Variants in TUBA4B observed in about 807,000 individuals in gnomAD.
TUBA4B encodes the protein tubulin-like protein alpha-4B.
Under a neutral mutation model 18.4 loss-of-function variants are expected in TUBA4B, and 13 were observed. That is an observed-to-expected ratio of 0.71 (90% CI 0.46 to 1.12). The LOEUF (loss-of-function observed/expected upper bound fraction) is 1.12, where lower values mean the gene tolerates loss of function less well. Among genes scored for constraint, TUBA4B ranks in the 50% most tolerant of loss-of-function variants. The probability of loss-of-function intolerance (pLI) is 0.00; values close to 1 mark genes in which losing one functional copy is unlikely to be tolerated. For synonymous variants in TUBA4B, 101 were observed against 99.1 expected (o/e 1.02, Z -0.11); for missense variants, 244 against 250.0 (o/e 0.98, Z 0.16).
intron 1 of TUBA4B, among the ~76,000 whole-genome samples, chr2:219,258,972 C>T (rs540075210): frequency 2.6e-5 from 4 of 152,054 alleles, no homozygotes; most frequent in Non-Finnish European, 5.9e-5. Context: ...ATGGAGAAGA[C>T]ATGGGTGCAG....
chr2:219,262,990 G>A (rs1333225929), intron 1 of TUBA4B, among the ~76,000 whole-genome samples: 2 of 151,470 alleles, frequency 1.3e-5, no homozygotes, highest in Admixed American at 6.6e-5. Context: ...GCAGTGAGCC[G>A]AGATAGCACC....
At chr2:219,257,639 C>T (rs758410990) in intron 1 of TUBA4B, among the ~76,000 whole-genome samples, 23 of 47,620 alleles carry the variant, frequency 4.8e-4, no homozygotes, top group Admixed American at 4.3e-3. Context: ...GAGACACTGT[C>T]TCAAAAAAAA....
intron 1 of TUBA4B, among the ~76,000 whole-genome samples, chr2:219,261,378 A>G (rs1003253994): frequency 2.6e-5 from 4 of 152,128 alleles, no homozygotes; most frequent in Non-Finnish European, 4.4e-5. Context: ...GCCCTAGCAG[A>G]CTTCCCCCTT....
At chr2:219,262,214 A>G (rs552156738) in intron 1 of TUBA4B, among the ~76,000 whole-genome samples, 2 of 152,256 alleles carry the variant, frequency 1.3e-5, no homozygotes, top group East Asian at 1.9e-4. Context: ...GGGAGGCTGA[A>G]GCAGGAGAAT....
chr2:219,265,630 CCTT>C (rs1404842920), intron 1 of TUBA4B, among the ~76,000 whole-genome samples: 4 of 152,028 alleles, frequency 2.6e-5, no homozygotes, highest in African/African-American at 9.7e-5. Context: ...GAGCAAGACT[CCTT>C]CTCAAAAGAA....
At chr2:219,262,183 C>CAT (rs1951763620) in intron 1 of TUBA4B, among the ~76,000 whole-genome samples, 1 of 152,066 alleles carries the variant, frequency 6.6e-6, no homozygotes, top group Non-Finnish European at 1.5e-5. Flanking sequence ...TGGTGGTGGG[C>CAT]GCCTGTAGTC....
intron 1 of TUBA4B, among the ~76,000 whole-genome samples, chr2:219,261,866 T>G (rs538933471): frequency 2.8e-4 from 42 of 152,368 alleles, no homozygotes; most frequent in African/African-American, 8.9e-4. Flanking sequence ...TGATCTCATC[T>G]TGTAGAGCTC....
intron 1 of TUBA4B, among the ~76,000 whole-genome samples, chr2:219,265,339 C>G (rs1273880874): frequency 6.6e-6 from 1 of 152,128 alleles, no homozygotes; most frequent in African/African-American, 2.4e-5. Context: ...AGAGAAGGTG[C>G]CTTAAGCATA....
intron 1 of TUBA4B, among the ~76,000 whole-genome samples, chr2:219,265,648 A>C (rs1417224500): frequency 1.3e-5 from 2 of 152,214 alleles, no homozygotes; most frequent in Non-Finnish European, 2.9e-5. Flanking sequence ...AAAGAAAAAA[A>C]AAAAGATGCA....
intron 1 of TUBA4B, among the ~76,000 whole-genome samples, chr2:219,264,927 G>C (rs1951781415): frequency 6.6e-6 from 1 of 152,188 alleles, no homozygotes; most frequent in Non-Finnish European, 1.5e-5. Flanking sequence ...CATGGTTCTG[G>C]ATTTTTCTAT....
At chr2:219,260,426 T>C (rs1312990941) in intron 1 of TUBA4B, among the ~76,000 whole-genome samples, 1 of 152,140 alleles carries the variant, frequency 6.6e-6, no homozygotes, top group Non-Finnish European at 1.5e-5. Context: ...AGGAATAGGA[T>C]AAAAAGAAAT....
intron 1 of TUBA4B, among the ~76,000 whole-genome samples, chr2:219,257,033 C>T (rs1417124075): frequency 7.2e-6 from 1 of 138,646 alleles, no homozygotes; most frequent in Non-Finnish European, 1.5e-5. Flanking sequence ...TTCTGTAAGA[C>T]CCATTTTGGC....
chr2:219,256,128 A>G (rs1201825233), intron 1 of TUBA4B, among the ~76,000 whole-genome samples: 1 of 152,242 alleles, frequency 6.6e-6, no homozygotes, highest in Non-Finnish European at 1.5e-5. Context: ...CAGAATGAAC[A>G]TAGTAAGAGA....
At chr2:219,262,376 T>C (rs1951765165) in intron 1 of TUBA4B, among the ~76,000 whole-genome samples, 1 of 152,258 alleles carries the variant, frequency 6.6e-6, no homozygotes. Flanking sequence ...GAGTGGCTTC[T>C]GTTCAGTCTA....
At chr2:219,258,798 C>T (rs1480969924) in intron 1 of TUBA4B, among the ~76,000 whole-genome samples, 1 of 152,152 alleles carries the variant, frequency 6.6e-6, no homozygotes, top group Non-Finnish European at 1.5e-5. Context: ...CAAGCTCCCT[C>T]CAGTTCGCCA....
At chr2:219,258,500 T>G (rs2125074238) in intron 1 of TUBA4B, among the ~76,000 whole-genome samples, 1 of 151,688 alleles carries the variant, frequency 6.6e-6, no homozygotes, top group African/African-American at 2.4e-5. Flanking sequence ...TTTTTTTTTT[T>G]TGTATTATTA....
chr2:219,264,179 G>A (rs1391742502), intron 1 of TUBA4B, among the ~76,000 whole-genome samples: 1 of 152,188 alleles, frequency 6.6e-6, no homozygotes, highest in Non-Finnish European at 1.5e-5. Flanking sequence ...ACAACAATAG[G>A]CCAGGTGCAG....
intron 1 of TUBA4B, among the ~76,000 whole-genome samples, chr2:219,258,080 A>C (rs910146653): frequency 7.2e-6 from 1 of 138,812 alleles, no homozygotes. Flanking sequence ...TGCAACCTCC[A>C]CCTACCAGGT....
intron 1 of TUBA4B, among the ~76,000 whole-genome samples, chr2:219,258,877 G>A (rs1339753764): frequency 2.0e-5 from 3 of 151,908 alleles, no homozygotes; most frequent in South Asian, 2.1e-4. Context: ...AACTTCATAC[G>A]ATCAGCCCAC....
Sources: gnomAD v4.1 joint callset for allele counts (sites outside exome capture counted in the v4.1 genomes callset) on GRCh38, gnomAD v4.1.1 for gene constraint, MANE v1.5 for transcripts, NCBI Gene and HGNC (gene_info 2026-07-23, HGNC 2026-07-21) for gene names.